The following PPFIBP2 variants were observed in gnomAD, a reference collection of about 807,000 sequenced individuals.
PPFIBP2 encodes the protein PPFIB scaffold protein 2, also known as liprin-beta-2.
In PPFIBP2, 118 loss-of-function variants were observed where a neutral mutation model predicts 118.3. The observed-to-expected ratio is 1.00, with a 90% CI of 0.86 to 1.16. PPFIBP2 has a LOEUF of 1.16. PPFIBP2 is among the 50% of genes most tolerant of loss of function. The pLI is 0.00. For missense variants in PPFIBP2, 1,195 were observed against 1,073.1 expected, an observed-to-expected ratio of 1.11 and a Z score of -1.59; for synonymous variants, 414 against 397.4, an observed-to-expected ratio of 1.04 and a Z score of -0.50.
chr11:7,562,361 G>T (rs975709715), intron 2 of PPFIBP2, among the ~76,000 whole-genome samples: 1 of 152,206 alleles, frequency 6.6e-6, no homozygotes, highest in African/African-American at 2.4e-5. Context: ...TTTTCCATAG[G>T]GATGATTGAG....
At chr11:7,517,388 T>A (rs1209277615) in intron 1 of PPFIBP2, among the ~76,000 whole-genome samples, 7 of 151,924 alleles carry the variant, frequency 4.6e-5, no homozygotes, top group Non-Finnish European at 1.0e-4. Flanking sequence ...AACAGCGGGG[T>A]TAACTACAGA....
chr11:7,530,664 T>C (rs939028405), intron 1 of PPFIBP2, among the ~76,000 whole-genome samples: 1 of 152,216 alleles, frequency 6.6e-6, no homozygotes, highest in African/African-American at 2.4e-5. Flanking sequence ...TACATTTCCA[T>C]TGTTTGTGAG....
intron 5 of PPFIBP2, chr11:7,605,634 G>C (rs1847245600): frequency 9.7e-7 from 1 of 1,032,466 alleles, no homozygotes; most frequent in Admixed American, 4.5e-5. Context: ...GAATACAATT[G>C]GAATGACTCA....
intron 5 of PPFIBP2, among the ~76,000 whole-genome samples, chr11:7,607,261 A>G (rs1165447902): frequency 7.2e-6 from 1 of 138,466 alleles, no homozygotes; most frequent in Non-Finnish European, 1.5e-5. Flanking sequence ...AGGCTGGAGC[A>G]CTGTGGCATG....
Position 7,593,138 on chromosome 11 carries a change from G to A in PPFIBP2, c.286G>A (p.Val96Ile). The A allele has an allele frequency of 1.2e-6, 2 of 1,613,752 alleles. No homozygotes were observed. Among genetic ancestry groups the A allele is most frequent in the South Asian group, 2.2e-5 (2 of 91,008 alleles). ...KEWFEESLSQVNHHSAASNET... is the reference protein window; with the variant it reads ...KEWFEESLSQINHHSAASNET... The stretch of plus-strand genomic sequence containing the variant: ...TTTTTTCTGTCCTCTTTAGTCCCAG[G>A]TAAACCACCACAGTGCTGCTAGTAA... Residue 96 changes from valine (V) to isoleucine (I), a missense_variant, in exon 4 of 24, where the codon GTA (valine) becomes ATA (isoleucine). By Grantham distance (29) the Val-to-Ile change is conservative. Coordinates refer to ENST00000299492, the MANE Select transcript of PPFIBP2 (RefSeq NM_003621.5).
downstream of PPFIBP2, chr11:7,655,265 T>C: frequency 2.5e-6 from 1 of 403,968 alleles, no homozygotes. Flanking sequence ...GAGCAGCATG[T>C]GCTCCACCCA....
intron 4 of PPFIBP2, among the ~76,000 whole-genome samples, chr11:7,594,181 A>C (rs1255054540): frequency 6.6e-6 from 1 of 152,154 alleles, no homozygotes; most frequent in African/African-American, 2.4e-5. Flanking sequence ...ATTGTATTTT[A>C]TGAACATAAG....
intron 3 of PPFIBP2, among the ~76,000 whole-genome samples, chr11:7,587,867 C>T (rs895424247): frequency 2.6e-5 from 4 of 152,040 alleles, no homozygotes; most frequent in Non-Finnish European, 4.4e-5. Context: ...ACAGTAAAGG[C>T]GATGATCTCA....
chr11:7,639,690 C>T (rs11041491), intron 14 of PPFIBP2, 42 bp from the exon 15 acceptor site: 225,151 of 1,611,460 alleles, frequency 0.14, 18,594 homozygotes, highest in East Asian at 0.47. Flanking sequence ...CTGAGGCTGA[C>T]AGTTAAGTCG....
intron 2 of PPFIBP2, among the ~76,000 whole-genome samples, chr11:7,553,883 T>TA (rs1459189911): frequency 6.6e-6 from 1 of 152,230 alleles, no homozygotes; most frequent in African/African-American, 2.4e-5. Context: ...GGGCTGTCTG[T>TA]AGGAGAAAAG....
intron 3 of PPFIBP2, among the ~76,000 whole-genome samples, chr11:7,586,958 C>A (rs538798581): frequency 1.3e-5 from 2 of 152,176 alleles, no homozygotes; most frequent in Non-Finnish European, 2.9e-5. Flanking sequence ...TATTCATTTT[C>A]TGATTCATTT....
intron 1 of PPFIBP2, among the ~76,000 whole-genome samples, 183 bp from the exon 2 acceptor site, chr11:7,549,257 T>C (rs780442126): frequency 6.6e-6 from 1 of 152,168 alleles, no homozygotes; most frequent in Non-Finnish European, 1.5e-5. Flanking sequence ...GTGCTAAAGA[T>C]TCATGGAAAA....
At chr11:7,521,511 T>C (rs1240785371) in intron 1 of PPFIBP2, among the ~76,000 whole-genome samples, 2 of 152,244 alleles carry the variant, frequency 1.3e-5, no homozygotes, top group African/African-American at 4.8e-5. Flanking sequence ...TTCTGCAAGA[T>C]TATTAATCCT....
At position 7,649,067 on chromosome 11, in the gene PPFIBP2, T is replaced by C. The variant is rs150719626; in HGVS notation, c.1910-80T>C. Reference sequence around the variant, plus strand: ...GGGGAATAAAACGAACCTCAAAATATAATTTGCTCCCCTTTTTTTGGTGTC... The same window carrying C: ...GGGGAATAAAACGAACCTCAAAATACAATTTGCTCCCCTTTTTTTGGTGTC... On this transcript the variant is annotated intron_variant, in intron 19 of 23. Coordinates refer to ENST00000299492, the MANE Select transcript of PPFIBP2 (RefSeq NM_003621.5). The C allele has an allele frequency of 3.7e-4, 535 of 1,445,012 alleles. 4 individuals carry two copies. In the African/African-American group the frequency reaches 6.5e-3, roughly 18 times the overall value. The allele number at this position is 1,445,012 out of a possible 1,614,324, so 89.5% of individuals were successfully genotyped here.
chr11:7,629,359 TTTC>T, intron 9 of PPFIBP2, 97 bp from the exon 10 acceptor site: 2 of 1,174,362 alleles, frequency 1.7e-6, no homozygotes, highest in Non-Finnish European at 2.5e-6. Context: ...CCACGTGGGA[TTTC>T]TTCTCCTTGT....
At chr11:7,621,608 A>G (rs1280175383) in intron 7 of PPFIBP2, among the ~76,000 whole-genome samples, 3 of 152,156 alleles carry the variant, frequency 2.0e-5, no homozygotes, top group Non-Finnish European at 2.9e-5. Context: ...CTTTTCCTAT[A>G]CTAAAGTGCA....
At chr11:7,640,003 G>T in intron 15 of PPFIBP2, 133 bp downstream of exon 15, 1 of 1,272,576 alleles carries the variant, frequency 7.9e-7, no homozygotes, top group South Asian at 1.6e-5. Context: ...GGAACAAGTT[G>T]TACCTTGGGG....
chr11:7,634,199 G>T (rs1021889139), intron 12 of PPFIBP2, among the ~76,000 whole-genome samples: 1 of 152,150 alleles, frequency 6.6e-6, no homozygotes, highest in Non-Finnish European at 1.5e-5. Context: ...CCGCACAATT[G>T]TCACCTCAGT....
At chr11:7,543,537 C>T (rs2134463169) in intron 1 of PPFIBP2, among the ~76,000 whole-genome samples, 1 of 152,334 alleles carries the variant, frequency 6.6e-6, no homozygotes, top group Non-Finnish European at 1.5e-5. Context: ...TCAGAATATC[C>T]TGGAGGCACA....
Sources: allele counts gnomAD v4.1 joint callset (sites outside exome capture counted in the v4.1 genomes callset), GRCh38; gene constraint gnomAD v4.1.1; transcripts MANE v1.5; gene names NCBI Gene and HGNC (gene_info 2026-07-23, HGNC 2026-07-21).